Variants in TUBGCP5 observed in about 807,000 individuals in gnomAD.
TUBGCP5 encodes tubulin gamma complex component 5.
In TUBGCP5, 98 loss-of-function variants were observed where a neutral mutation model predicts 134.7. The observed-to-expected ratio is 0.73, with a 90% CI of 0.62 to 0.86. TUBGCP5 has a LOEUF of 0.86. Ranked by LOEUF, TUBGCP5 falls within the 40% of genes least tolerant of loss-of-function variation. The pLI, the probability that TUBGCP5 is intolerant of heterozygous loss-of-function variation, is 0.00. For synonymous variants in TUBGCP5, 456 were observed against 431.4 expected (o/e 1.06, Z -0.71); for missense variants, 1,150 against 1,244.8 (o/e 0.92, Z 1.15).
intron 3 of TUBGCP5, among the ~76,000 whole-genome samples, chr15:23,034,370 C>T (rs762524326): frequency 6.6e-6 from 1 of 152,082 alleles, no homozygotes; most frequent in Non-Finnish European, 1.5e-5. Context: ...GAATTATCAG[C>T]CCGGGAATTG....
chr15:23,029,393 G>C (rs2066170033), intron 6 of TUBGCP5, among the ~76,000 whole-genome samples: 1 of 152,018 alleles, frequency 6.6e-6, no homozygotes, highest in South Asian at 2.1e-4. Flanking sequence ...AGCTAATTTT[G>C]TATTTTTAGT....
downstream of TUBGCP5, among the ~76,000 whole-genome samples, chr15:22,996,093 G>A (rs887177172): frequency 7.2e-5 from 11 of 152,162 alleles, no homozygotes; most frequent in Admixed American, 1.3e-4. Context: ...CTGCGTGGAC[G>A]CATTTAAAAA....
At chr15:23,029,342 C>T (rs1217905830) in intron 6 of TUBGCP5, among the ~76,000 whole-genome samples, 1 of 152,142 alleles carries the variant, frequency 6.6e-6, no homozygotes, top group Non-Finnish European at 1.5e-5. Context: ...CTGCTTCAGC[C>T]TCCCAGGTAG....
chr15:23,005,651 C>A, intron 18 of TUBGCP5, 41 bp from the exon 19 acceptor site: 1 of 1,583,444 alleles, frequency 6.3e-7, no homozygotes, highest in South Asian at 1.1e-5. Flanking sequence ...GAAAGAGCAT[C>A]AACTCAAACC....
At position 23,013,280 on chromosome 15, in the gene TUBGCP5, G is replaced by T. The variant is rs1391040076; in HGVS notation, c.1757-1949C>A. ...ATACTGGCTAGTATGGTAAAACCCC[G>T]TCTCTACTAAAAATACAAAAAAATT... is the stretch of plus-strand genomic sequence containing the variant. On this transcript the variant is annotated intron_variant, in intron 13 of 22. Coordinates refer to ENST00000615383, the MANE Select transcript of TUBGCP5 (RefSeq NM_052903.6). This position sits in a 1 kb window ranked among gnomAD's most constrained non-coding sequence, Gnocchi z 4.5. 6.6e-6 allele frequency among the ~76,000 whole-genome samples: 1 copy of T among 151,660 alleles called. No homozygotes were observed. The highest frequency in any genetic ancestry group is 1.5e-5 in the Non-Finnish European group (1 of 67,928).
At position 23,013,232 on chromosome 15, in the gene TUBGCP5, C is replaced by T. The variant is rs1324557876; in HGVS notation, c.1757-1901G>A. 3.3e-5 allele frequency among the ~76,000 whole-genome samples: 5 copies of T among 151,914 alleles called. No individual in the cohort carries two copies. The highest frequency in any genetic ancestry group is 1.2e-4 in the African/African-American group (5 of 41,338). On this transcript the variant is annotated intron_variant, in intron 13 of 22. Transcript: ENST00000615383. The surrounding 1 kb of genome is among the most constrained non-coding windows in gnomAD (Gnocchi z 4.5). The stretch of plus-strand genomic sequence containing the variant: ...CTTCAGGAGGCCGAGGCGGGCGGAT[C>T]ATGAGGTCAGGGGATCGAGACCATA...
intron 1 of TUBGCP5, 23 bp downstream of exon 1, chr15:23,039,375 C>A (rs775576881): frequency 1.4e-6 from 2 of 1,404,430 alleles, no homozygotes; most frequent in South Asian, 1.6e-5. Context: ...GCCGGGAACC[C>A]GCCCGCGCGC....
chr15:23,031,155 T>C (rs868347942), intron 5 of TUBGCP5, 135 bp from the exon 6 acceptor site: 4 of 816,496 alleles, frequency 4.9e-6, no homozygotes, highest in East Asian at 2.7e-5. Flanking sequence ...AATTTTTTTT[T>C]CCTAAATCTC....
chr15:23,039,456 G>A lies in TUBGCP5; in HGVS notation c.88C>T (p.Gln30Ter). The change falls in exon 1 of 23, where the codon CAG (glutamine) becomes TAG (stop). Residue 30 changes from glutamine to a stop codon, truncating the protein, a stop_gained. Transcript: ENST00000615383. LOFTEE classifies it high-confidence loss of function. ...TGGAAGTTGGGGTCTGCCTCGTCCT[G>A]GAGGCCGGCGACACCCCGGACGAGC... Reference protein sequence around the residue: ...RELVRGVAGLQDEADPNFQLA... With the variant: ...RELVRGVAGL 1 of 1,548,718 alleles carries A rather than the reference G, an allele frequency of 6.5e-7. No homozygotes were observed. Among genetic ancestry groups the A allele is most frequent in the Non-Finnish European group, 8.7e-7 (1 of 1,145,148 alleles).
At position 23,007,527 on chromosome 15, in the gene TUBGCP5, G is replaced by A. The variant is rs149067137; in HGVS notation, c.2327+1172C>T. 2.6e-3 allele frequency among the ~76,000 whole-genome samples: 393 copies of A among 152,248 alleles called. 1 individual carries two copies. The highest frequency in any genetic ancestry group is 9.0e-3 in the African/African-American group (373 of 41,546). On this transcript the variant is annotated intron_variant, in intron 16 of 22. Transcript: ENST00000615383. ...AGAAAGCCAATCTCTCTTCCCTCCA[G>A]GGACTCCCAGCCCAGTGCAGCACAC...
At chr15:23,027,892 C>G (rs111560583) in intron 6 of TUBGCP5, among the ~76,000 whole-genome samples, 10,928 of 151,732 alleles carry the variant, frequency 0.072, 482 homozygotes, top group Non-Finnish European at 0.094. Flanking sequence ...GTCCAGTAAC[C>G]ATTAAGGAAA....
chr15:23,023,843 C>T (rs1052415418), intron 10 of TUBGCP5, 104 bp downstream of exon 10: 1 of 1,144,940 alleles, frequency 8.7e-7, no homozygotes, highest in Non-Finnish European at 1.2e-6. Context: ...ACGAGAACTA[C>T]TTATCTGCTA....
chr15:23,038,753 A>T (rs1227982335), intron 1 of TUBGCP5, among the ~76,000 whole-genome samples: 2 of 152,184 alleles, frequency 1.3e-5, no homozygotes, highest in African/African-American at 4.8e-5. Flanking sequence ...AAAGAAAAAT[A>T]GGAGATCTCA....
At chr15:22,993,641 T>A (rs2063938270) in intron 23 of TUBGCP5, among the ~76,000 whole-genome samples, 2 of 148,494 alleles carry the variant, frequency 1.3e-5, no homozygotes, top group African/African-American at 5.0e-5. Context: ...GCCTCCTGGG[T>A]TCAAGCGGTT....
intron 8 of TUBGCP5, 66 bp from the exon 9 acceptor site, chr15:23,024,896 C>T: frequency 1.0e-6 from 1 of 996,428 alleles, no homozygotes; most frequent in South Asian, 1.4e-5. Context: ...ACAGTATGCC[C>T]AGGACATTTT....
intron 23 of TUBGCP5, among the ~76,000 whole-genome samples, chr15:22,990,868 G>A (rs1203364341): frequency 6.6e-6 from 1 of 152,178 alleles, no homozygotes; most frequent in Admixed American, 6.5e-5. Context: ...TGAACACAGA[G>A]GCAGGGATGG....
At chr15:23,021,875 T>C in intron 11 of TUBGCP5, 84 bp downstream of exon 11, 5 of 1,371,608 alleles carry the variant, frequency 3.6e-6, no homozygotes, top group East Asian at 2.3e-5. Flanking sequence ...CATTCAAGTA[T>C]CAACAAAGAA....
At chr15:23,002,476 T>A (rs981145228) in intron 21 of TUBGCP5, among the ~76,000 whole-genome samples, 2 of 152,196 alleles carry the variant, frequency 1.3e-5, no homozygotes, top group Non-Finnish European at 2.9e-5. Flanking sequence ...ATGGCAGTGC[T>A]AGAGGGAGCT....
chr15:22,991,582 G>C (rs1011829833), intron 23 of TUBGCP5, among the ~76,000 whole-genome samples: 1 of 152,132 alleles, frequency 6.6e-6, no homozygotes, highest in Non-Finnish European at 1.5e-5. Flanking sequence ...CACACGTGTT[G>C]TGGGTCTGAC....
Sources: gnomAD v4.1 joint callset for allele counts (sites outside exome capture counted in the v4.1 genomes callset) on GRCh38, gnomAD v4.1.1 for gene constraint, Gnocchi (gnomAD v3.1) non-coding constraint, MANE v1.5 for transcripts, NCBI Gene and HGNC (gene_info 2026-07-23, HGNC 2026-07-21) for gene names.